Variants in PIK3C2A observed in about 807,000 individuals in gnomAD.
PIK3C2A encodes phosphatidylinositol 4-phosphate 3-kinase C2 domain-containing subunit alpha.
PIK3C2A carries 97 observed loss-of-function variants against 204.5 expected under a neutral mutation model. The ratio of observed to expected loss-of-function variants is 0.47; its 90% CI spans 0.40 to 0.56. The LOEUF (loss-of-function observed/expected upper bound fraction) is 0.56, where lower values mean the gene tolerates loss of function less well. Ranked by LOEUF, PIK3C2A falls within the 20% of genes least tolerant of loss-of-function variation. The pLI is 0.00. For synonymous variants in PIK3C2A, 653 were observed against 664.4 expected (o/e 0.98, Z 0.26); for missense variants, 1,735 against 1,969.2 (o/e 0.88, Z 2.25).
chr11:17,168,905 A>T lies in PIK3C2A; in HGVS notation c.837T>A (p.Pro279=). ...CTAATACCTCCACATTATCCACCTT[A>T]GGCTTACTTAGAGGATCCAAGTCTA... is the stretch of plus-strand genomic sequence containing the variant. ...DWLDLDPLSK[P]KVDNVEVLDH... is the part of the protein sequence containing the mutation. Residue 279 remains proline, a synonymous_variant, in exon 2 of 33, where the codon CCT becomes CCA. Transcript: ENST00000691414. The T allele has an allele frequency of 6.2e-7, 1 of 1,614,014 alleles. No homozygotes were observed. Among genetic ancestry groups the T allele is most frequent in the Non-Finnish European group, 8.5e-7 (1 of 1,179,912 alleles).
intron 1 of PIK3C2A, among the ~76,000 whole-genome samples, chr11:17,205,411 T>C (rs1023264888): frequency 7.0e-6 from 1 of 143,396 alleles, no homozygotes; most frequent in Non-Finnish European, 1.5e-5. Context: ...CAGGTGGAGG[T>C]TGCAGTGAGC....
intron 1 of PIK3C2A, among the ~76,000 whole-genome samples, chr11:17,176,564 G>T (rs1196526842): frequency 6.6e-6 from 1 of 151,952 alleles, no homozygotes; most frequent in African/African-American, 2.4e-5. Flanking sequence ...CAAGGCAGGA[G>T]CATCACTTCA....
chr11:17,121,449 C>A (rs914296094), intron 15 of PIK3C2A, among the ~76,000 whole-genome samples: 4 of 152,168 alleles, frequency 2.6e-5, no homozygotes, highest in Admixed American at 6.6e-5. Flanking sequence ...CAAATAAGTA[C>A]TGCAATGAAT....
chr11:17,167,787 G>T (rs1245923103), intron 2 of PIK3C2A, among the ~76,000 whole-genome samples: 1 of 152,164 alleles, frequency 6.6e-6, no homozygotes, highest in Non-Finnish European at 1.5e-5. Flanking sequence ...GTTAAAGTGA[G>T]AATGAGGCTT....
chr11:17,160,481 C>A (rs907585570), intron 2 of PIK3C2A, among the ~76,000 whole-genome samples: 4 of 152,104 alleles, frequency 2.6e-5, no homozygotes, highest in Non-Finnish European at 5.9e-5. Context: ...ATGGGAATAA[C>A]AGAAGGAGAG....
chr11:17,089,950 C>T (rs755696430), intron 32 of PIK3C2A, 30 bp from the exon 33 acceptor site: 4 of 1,482,322 alleles, frequency 2.7e-6, no homozygotes, highest in Non-Finnish European at 3.7e-6. Context: ...AACAGTAAAT[C>T]ACAAATTAAA....
rs1236043148 is a variant in PIK3C2A, at chr11:17,168,853, T to C, written c.889A>G (p.Ser297Gly). Residue 297 changes from serine to glycine, a missense_variant, in exon 2 of 33, where the codon AGT (serine) becomes GGT (glycine). Ser to Gly is a moderately conservative substitution (Grantham distance 56, BLOSUM62 0). Around this residue, in one of 6 missense-constraint regions of PIK3C2A, gnomAD observed 536 missense variants for 546.7 expected, o/e 0.98. Coordinates refer to ENST00000691414, the MANE Select transcript of PIK3C2A (RefSeq NM_002645.4). ...TCCCAAGGATCCTTTGCTAGCAAAC[T>C]TGAAACATTTTTCTCTTCCTCATGG... is the stretch of plus-strand genomic sequence containing the variant. ...LDHEEEKNVS[S>G]LLAKDPWDAV... 7.4e-6 allele frequency: 12 copies of C among 1,614,008 alleles called. No individual in the cohort carries two copies. Among genetic ancestry groups the C allele is most frequent in the East Asian group, 4.5e-5 (2 of 44,884 alleles).
At chr11:17,090,657 A>G (rs954379709) in intron 32 of PIK3C2A, among the ~76,000 whole-genome samples, 1 of 152,078 alleles carries the variant, frequency 6.6e-6, no homozygotes, top group Non-Finnish European at 1.5e-5. Flanking sequence ...GCTCTATTTT[A>G]TATCATTTTG....
At chr11:17,157,566 C>T (rs1850638677) in intron 2 of PIK3C2A, among the ~76,000 whole-genome samples, 1 of 151,448 alleles carries the variant, frequency 6.6e-6, no homozygotes, top group Non-Finnish European at 1.5e-5. Flanking sequence ...TGAAACTGTT[C>T]TTGAAGCCAC....
chr11:17,141,894 T>C (rs184157270), intron 8 of PIK3C2A, among the ~76,000 whole-genome samples: 2 of 152,328 alleles, frequency 1.3e-5, no homozygotes, highest in East Asian at 3.9e-4. Context: ...ATGTGAAATG[T>C]ATAAGATCTT....
At chr11:17,110,596 T>C in intron 21 of PIK3C2A, 35 bp from the exon 22 acceptor site, 1 of 1,586,716 alleles carries the variant, frequency 6.3e-7, no homozygotes, top group Non-Finnish European at 8.6e-7. Flanking sequence ...AACTTGTACA[T>C]CTCCAAAAGA....
intron 1 of PIK3C2A, among the ~76,000 whole-genome samples, chr11:17,185,616 T>C (rs937961527): frequency 6.6e-6 from 1 of 152,214 alleles, no homozygotes; most frequent in African/African-American, 2.4e-5. Context: ...GCATAGGTAG[T>C]AAATTTACTT....
chr11:17,124,774 G>T (rs753119280), intron 13 of PIK3C2A, among the ~76,000 whole-genome samples: 1 of 152,168 alleles, frequency 6.6e-6, no homozygotes, highest in Non-Finnish European at 1.5e-5. Context: ...GAAAAAGTTT[G>T]TTAACTCTTG....
At chr11:17,090,030 G>A (rs1848258340) in intron 32 of PIK3C2A, 110 bp from the exon 33 acceptor site, 1 of 756,166 alleles carries the variant, frequency 1.3e-6, no homozygotes, top group African/African-American at 1.7e-5. Context: ...ACCACAATGA[G>A]TGACACTGAT....
At chr11:17,107,980 T>C (rs1315455457) in intron 22 of PIK3C2A, among the ~76,000 whole-genome samples, 2 of 152,228 alleles carry the variant, frequency 1.3e-5, no homozygotes, top group Non-Finnish European at 2.9e-5. Flanking sequence ...CAAGTGATTC[T>C]AGTGCCTGAG....
chr11:17,167,747 G>A (rs570312986), intron 2 of PIK3C2A, among the ~76,000 whole-genome samples: 176 of 152,280 alleles, frequency 1.2e-3, no homozygotes, highest in African/African-American at 4.1e-3. Flanking sequence ...GTAGGTAAGT[G>A]CTGATCTAAT....
At chr11:17,199,954 G>A (rs1247662028) in intron 1 of PIK3C2A, among the ~76,000 whole-genome samples, 1 of 148,868 alleles carries the variant, frequency 6.7e-6, no homozygotes, top group African/African-American at 2.5e-5. Context: ...GCTGGGTTGA[G>A]AAGAGAATGA....
intron 1 of PIK3C2A, among the ~76,000 whole-genome samples, chr11:17,206,427 A>G (rs1490244037): frequency 1.3e-5 from 2 of 151,988 alleles, no homozygotes; most frequent in Non-Finnish European, 2.9e-5. Flanking sequence ...TAAAAATAAA[A>G]TCTGTATACT....
intron 1 of PIK3C2A, among the ~76,000 whole-genome samples, chr11:17,174,163 G>A (rs1851264134): frequency 6.6e-6 from 1 of 152,098 alleles, no homozygotes; most frequent in Admixed American, 6.5e-5. Flanking sequence ...AGGGCTATTG[G>A]ACAGTCTTAA....
Sources: allele counts gnomAD v4.1 joint callset (sites outside exome capture counted in the v4.1 genomes callset), GRCh38; gene constraint gnomAD v4.1.1; regional missense constraint gnomAD v4.1.1; transcripts MANE v1.5; gene names NCBI Gene and HGNC (gene_info 2026-07-23, HGNC 2026-07-21).